COL4A1: variants seen among roughly 807,000 people sequenced by gnomAD.
The protein encoded by COL4A1 is collagen alpha-1(IV) chain.
A neutral mutation model predicts 216.6 loss-of-function variants in COL4A1; 40 were observed. That is an observed-to-expected ratio of 0.18 (90% CI 0.14 to 0.24). The LOEUF is 0.24. Ranked by LOEUF, COL4A1 falls within the 10% of genes least tolerant of loss-of-function variation. The pLI is 1.00. For missense variants in COL4A1, 1,628 were observed against 2,196.8 expected (o/e 0.74, Z 5.18); for synonymous variants, 839 against 810.7 (o/e 1.03, Z -0.59).
intron 2 of COL4A1, among the ~76,000 whole-genome samples, chr13:110,223,793 G>C (rs576147467): frequency 6.6e-6 from 1 of 152,132 alleles, no homozygotes; most frequent in African/African-American, 2.4e-5. Context: ...CTCTCTGGGG[G>C]TTCCTGCCTG....
rs1883115746 is a variant in COL4A1, at chr13:110,268,236, CA to C, written c.85-25503del. ...CCTCAGAGCACCGGCACTGCCAGTC[CA>C]AAACCAGGAAAGGCATATGGATGAC... On this transcript the variant is annotated intron_variant, in intron 1 of 51. Coordinates refer to ENST00000375820, the MANE Select transcript of COL4A1 (RefSeq NM_001845.6). This position sits in a 1 kb window ranked among gnomAD's most constrained non-coding sequence, Gnocchi z 4.1. 6.6e-6 allele frequency among the ~76,000 whole-genome samples: 1 copy of C among 152,178 alleles called. No individual in the cohort carries two copies. The highest frequency in any genetic ancestry group is 1.5e-5 in the Non-Finnish European group (1 of 68,024).
At chr13:110,292,849 T>C (rs1235211376) in intron 1 of COL4A1, among the ~76,000 whole-genome samples, 9 of 152,290 alleles carry the variant, frequency 5.9e-5, no homozygotes, top group Non-Finnish European at 1.0e-4. Flanking sequence ...ATTATCTCTA[T>C]GTAAAGGGTC....
intron 20 of COL4A1, among the ~76,000 whole-genome samples, chr13:110,199,211 G>A (rs3825474): frequency 0.13 from 20,350 of 152,244 alleles, 1,716 homozygotes; most frequent in East Asian, 0.29. Context: ...TGAGAGAGTG[G>A]TGGTGCAGGA....
chr13:110,221,252 T>C (rs775591058), intron 2 of COL4A1, among the ~76,000 whole-genome samples: 2 of 152,206 alleles, frequency 1.3e-5, no homozygotes, highest in East Asian at 1.9e-4. Flanking sequence ...ATATTTCTGA[T>C]AGATCCACAT....
At chr13:110,202,275 G>C (rs1375236069) in intron 18 of COL4A1, among the ~76,000 whole-genome samples, 2 of 151,392 alleles carry the variant, frequency 1.3e-5, no homozygotes, top group East Asian at 3.9e-4. Context: ...CTTCCTTAAG[G>C]TCGCAAGACA....
At chr13:110,162,918 A>G (rs554139589) in intron 47 of COL4A1, among the ~76,000 whole-genome samples, 27 of 152,378 alleles carry the variant, frequency 1.8e-4, no homozygotes, top group African/African-American at 6.3e-4. Context: ...ATGGAGCAGT[A>G]AGGGACCTCG....
rs1437924557 is a variant in COL4A1 at position 110,207,878 on chromosome 13, A to C, written c.694-389T>G. ...AAGAAGGCATTTTAGGTAATCCCAG[A>C]ATAAGACAACCATCAAGAGTCTCCC... On this transcript the variant is annotated intron_variant, in intron 12 of 51. Transcript: ENST00000375820. The surrounding 1 kb of genome is among the most constrained non-coding windows in gnomAD (Gnocchi z 4.4). Among the ~76,000 whole-genome samples the C allele has an allele frequency of 6.8e-6, 1 of 147,852 alleles. No homozygotes were observed. Among genetic ancestry groups the C allele is most frequent in the Non-Finnish European group, 1.5e-5 (1 of 66,622 alleles).
intron 1 of COL4A1, among the ~76,000 whole-genome samples, chr13:110,262,278 G>C (rs551707027): frequency 2.0e-5 from 3 of 152,084 alleles, no homozygotes; most frequent in Non-Finnish European, 4.4e-5. Context: ...GCCAGCAAGT[G>C]GGGGGCTGAG....
intron 20 of COL4A1, 110 bp from the exon 21 acceptor site, chr13:110,198,741 T>C (rs1485706106): frequency 7.0e-7 from 1 of 1,428,052 alleles, no homozygotes; most frequent in Admixed American, 1.7e-5. Flanking sequence ...AGACCATCAC[T>C]GAAAAGGGAA....
At chr13:110,180,535 C>T (rs1205587855) in intron 29 of COL4A1, among the ~76,000 whole-genome samples, 1 of 152,256 alleles carries the variant, frequency 6.6e-6, no homozygotes, top group Admixed American at 6.5e-5. Flanking sequence ...TATCGATGGC[C>T]GTTGGCCCTT....
intron 1 of COL4A1, among the ~76,000 whole-genome samples, chr13:110,247,799 G>GTGTT: frequency 8.2e-6 from 1 of 122,372 alleles, no homozygotes; most frequent in Non-Finnish European, 1.8e-5. Context: ...TCGTGTGTGT[G>GTGTT]TGTGTGTGTG....
Position 110,211,668 on chromosome 13 carries a change from T to C in COL4A1, c.447A>G (p.Pro149=), listed in dbSNP as rs748383248. The C allele has an allele frequency of 2.5e-6, 4 of 1,611,538 alleles. No individual in the cohort carries two copies. The highest frequency in any genetic ancestry group is 3.4e-6 in the Non-Finnish European group (4 of 1,179,158). The change falls in exon 8 of 52, where the codon CCA becomes CCG. Residue 149 remains proline (P), a synonymous_variant. Coordinates refer to ENST00000375820, the MANE Select transcript of COL4A1 (RefSeq NM_001845.6). This position sits in a 1 kb window ranked among gnomAD's most constrained non-coding sequence, Gnocchi z 4.3. The part of the protein sequence containing the change: ...GLPGFAGNPG[P]PGLPGMKGDP... ...GTACCTTCATCCCTGGTAAGCCTGG[T>C]GGTCCCTAAAAAAGAAAGTTTTGGT...
rs139955456 is a variant in COL4A1, at chr13:110,289,959, C to A, written c.84+16985G>T. Among the ~76,000 whole-genome samples the A allele has an allele frequency of 4.6e-5, 7 of 152,228 alleles. No homozygotes were observed. In the East Asian group the frequency reaches 7.7e-4, roughly 17 times the overall value. ...GGACAAGCAGGTGGGTTTTAAGGCCCCTGGGAAGTAAAAATAGAGGGTCTG... is the reference window on the plus strand; with the variant it reads ...GGACAAGCAGGTGGGTTTTAAGGCCACTGGGAAGTAAAAATAGAGGGTCTG... On this transcript the variant is annotated intron_variant, in intron 1 of 51. Transcript: ENST00000375820.
At chr13:110,164,646 C>G (rs1004039124) in intron 46 of COL4A1, among the ~76,000 whole-genome samples, 2 of 151,004 alleles carry the variant, frequency 1.3e-5, no homozygotes, top group Non-Finnish European at 3.0e-5. Context: ...ATGTGTTCCT[C>G]TAGCTTTTCC....
intron 2 of COL4A1, among the ~76,000 whole-genome samples, chr13:110,231,608 T>C (rs1274740542): frequency 6.6e-6 from 1 of 152,128 alleles, no homozygotes; most frequent in East Asian, 1.9e-4. Flanking sequence ...GCATCTTCCA[T>C]CATGAACCTG....
intron 2 of COL4A1, among the ~76,000 whole-genome samples, chr13:110,219,942 G>A (rs111476490): frequency 0.22 from 18,473 of 83,594 alleles, 2,018 homozygotes; most frequent in East Asian, 0.35. Flanking sequence ...ATATGTGTGT[G>A]TATATATACA....
intron 1 of COL4A1, among the ~76,000 whole-genome samples, chr13:110,290,742 G>A (rs996997593): frequency 1.3e-5 from 2 of 150,900 alleles, no homozygotes; most frequent in African/African-American, 5.0e-5. Flanking sequence ...GAGAGCAAGT[G>A]GGGACTGGAA....
chr13:110,256,668 C>T (rs11839478), intron 1 of COL4A1, among the ~76,000 whole-genome samples: 68,070 of 152,000 alleles, frequency 0.45, 15,405 homozygotes, highest in East Asian at 0.61. Context: ...ACTGGAAATG[C>T]GGAGGTCGGC....
intron 50 of COL4A1, among the ~76,000 whole-genome samples, chr13:110,155,002 G>A (rs763724280): frequency 2.6e-5 from 4 of 152,254 alleles, no homozygotes; most frequent in Non-Finnish European, 5.9e-5. Flanking sequence ...CAGCCACAGG[G>A]AAGCAGAGGC....
Sources: allele counts gnomAD v4.1 joint callset (sites outside exome capture counted in the v4.1 genomes callset), GRCh38; gene constraint gnomAD v4.1.1; non-coding constraint Gnocchi (gnomAD v3.1); transcripts MANE v1.5; gene names NCBI Gene and HGNC (gene_info 2026-07-23, HGNC 2026-07-21).